UNCX: variants seen among roughly 807,000 people sequenced by gnomAD.
UNCX encodes the protein homeobox protein unc-4 homolog.
Under a neutral mutation model 14.8 loss-of-function variants are expected in UNCX, and 4 were observed. The observed-to-expected ratio is 0.27, with a 90% CI of 0.13 to 0.62. UNCX has a LOEUF of 0.62. Ranked by LOEUF, UNCX falls within the 20% of genes least tolerant of loss-of-function variation. The pLI, the probability that UNCX is intolerant of heterozygous loss-of-function variation, is 0.86. For missense variants in UNCX, 749 were observed against 786.8 expected (o/e 0.95, Z 0.58); for synonymous variants, 459 against 395.8 (o/e 1.16, Z -1.90).
chr7:1,237,041 G>A lies in UNCX; in HGVS notation c.*64G>A, dbSNP rs2128273081. ...GCCGCTCGCTCAGGCTCCGACTCAC[G>A]CAACGAATCAGGTGATCGGCTCTAG... On this transcript the variant is annotated 3_prime_UTR_variant, in exon 3 of 3. Transcript: ENST00000316333. This position sits in a 1 kb window ranked among gnomAD's most constrained non-coding sequence, Gnocchi z 5.8. The A allele has an allele frequency of 1.9e-6, 2 of 1,079,786 alleles. No homozygotes were observed. Among genetic ancestry groups the A allele is most frequent in the Non-Finnish European group, 2.3e-6 (2 of 887,538 alleles). 66.9% of individuals were successfully genotyped at this position (1,079,786 alleles called of 1,614,324 possible).
intron 2 of UNCX, among the ~76,000 whole-genome samples, chr7:1,234,554 G>T (rs1445233939): frequency 2.6e-5 from 4 of 151,412 alleles, no homozygotes; most frequent in Non-Finnish European, 5.9e-5. Flanking sequence ...CTGGCAAAAC[G>T]CCTGTTTATC....
In UNCX at chr7:1,237,111, A is replaced by T. The variant is rs572928662; in HGVS notation, c.*134A>T. ...TTTCTTTTGTTTTCTTTCTTTTATT[A>T]TTTTTTTTAAGAGTAAACGAAAGTG... On this transcript the variant is annotated 3_prime_UTR_variant, in exon 3 of 3. Coordinates refer to ENST00000316333, the MANE Select transcript of UNCX (RefSeq NM_001080461.3). This position sits in a 1 kb window ranked among gnomAD's most constrained non-coding sequence, Gnocchi z 5.8. 1.9e-4 allele frequency: 163 copies of T among 878,036 alleles called. 1 individual carries two copies. The African/African-American group carries it at 2.4e-3, about 13-fold the overall frequency. The allele number at this position is 878,036 out of a possible 1,614,324, so 54.4% of individuals were successfully genotyped here.
rs1005923436 is a variant in UNCX, at chr7:1,233,749, G to C, written c.450+54G>C. On this transcript the variant is annotated intron_variant, in intron 2 of 2. Coordinates refer to ENST00000316333, the MANE Select transcript of UNCX (RefSeq NM_001080461.3). This position sits in a 1 kb window ranked among gnomAD's most constrained non-coding sequence, Gnocchi z 5.3. ...GCCATCCGGACCCCAGGCTCTGGGC[G>C]CGCCGGGACGCCTTTGTTCCAGGTG... is the stretch of plus-strand genomic sequence containing the variant. 2.6e-5 allele frequency: 40 copies of C among 1,546,914 alleles called. No individual in the cohort carries two copies. Among genetic ancestry groups the C allele is most frequent in the Non-Finnish European group, 3.5e-5 (40 of 1,143,834 alleles).
rs1195697323 is a variant in UNCX, at chr7:1,236,521, C to T, written c.1140C>T (p.Leu380=). The T allele has an allele frequency of 7.1e-7, 1 of 1,406,584 alleles. No homozygotes were observed. Among genetic ancestry groups the T allele is most frequent in the Non-Finnish European group, 9.3e-7 (1 of 1,074,244 alleles). The allele number at this position is 1,406,584 out of a possible 1,614,324, so 87.1% of individuals were successfully genotyped here. A position where few individuals can be genotyped will look rare whatever the true frequency, so the allele number is the denominator to read the frequency against. Residue 380 remains leucine (L), a synonymous_variant, in exon 3 of 3, where the codon CTC becomes CTT. Transcript: ENST00000316333. The surrounding 1 kb of genome is among the most constrained non-coding windows in gnomAD (Gnocchi z 6.9). ...RTLIGKGHFL[L]YPITQPLGFL... is the part of the protein sequence containing the mutation. ...TGATCGGCAAGGGCCACTTCCTCCTCTACCCCATCACGCAGCCGCTCGGCT... is the reference window on the plus strand; with the variant it reads ...TGATCGGCAAGGGCCACTTCCTCCTTTACCCCATCACGCAGCCGCTCGGCT...
At position 1,236,831 on chromosome 7, in the gene UNCX, C is replaced by G. The variant is rs1229724294; in HGVS notation, c.1450C>G (p.Pro484Ala). The G allele has an allele frequency of 1.0e-6, 1 of 989,834 alleles. No individual in the cohort carries two copies. The highest frequency in any genetic ancestry group is 1.2e-6 in the Non-Finnish European group (1 of 834,650). The allele number at this position is 989,834 out of a possible 1,614,324, so 61.3% of individuals were successfully genotyped here. A position where few individuals can be genotyped will look rare whatever the true frequency, so the allele number is the denominator to read the frequency against. Residue 484 changes from proline (P) to alanine (A), a missense_variant, in exon 3 of 3, where the codon CCC becomes GCC. Pro to Ala is a conservative substitution (Grantham distance 27). This residue lies in a region of UNCX where 552 missense variants were observed against 507.2 expected (regional missense o/e 1.09). Coordinates refer to ENST00000316333, the MANE Select transcript of UNCX (RefSeq NM_001080461.3). The surrounding 1 kb of genome is among the most constrained non-coding windows in gnomAD (Gnocchi z 6.9). ...CTGCGCGGACGCGGGGACCGCCGGC[C>G]CCGCGCCCCCGCCGCCCGCGCCGTC... ...GDCADAGTAG[P>A]APPPPAPSPR...
In UNCX at chr7:1,233,421, C is replaced by CA. The variant is rs1024883644; in HGVS notation, c.275-99_275-98insA. The CA allele has an allele frequency of 2.0e-4, 273 of 1,376,070 alleles. 7 individuals carry two copies. The highest frequency in any genetic ancestry group is 2.3e-4 in the South Asian group (14 of 60,284). 85.2% of individuals were successfully genotyped at this position (1,376,070 alleles called of 1,614,324 possible). A position where few individuals can be genotyped will look rare whatever the true frequency, so the allele number is the denominator to read the frequency against. On this transcript the variant is annotated intron_variant, in intron 1 of 2. Coordinates refer to ENST00000316333, the MANE Select transcript of UNCX (RefSeq NM_001080461.3). The surrounding 1 kb of genome is among the most constrained non-coding windows in gnomAD (Gnocchi z 5.3). ...CCTAGGCGGCCGTCTCTGCGCCCCCCCCCCCGGATCCAGGCGGCCAGCGGG... is the reference window on the plus strand; with the variant it reads ...CCTAGGCGGCCGTCTCTGCGCCCCCCACCCCCGGATCCAGGCGGCCAGCGGG...
At position 1,233,534 on chromosome 7, in the gene UNCX, G is replaced by A; in HGVS notation, c.289G>A (p.Asp97Asn). ...PFKLSDSGDP[D>N]KESPGCKRRR... Reference sequence around the variant, plus strand: ...ACTGCCCGCAGACTCGGGGGACCCGGACAAGGAGAGCCCGGGCTGCAAGCG... The same window carrying A: ...ACTGCCCGCAGACTCGGGGGACCCGAACAAGGAGAGCCCGGGCTGCAAGCG... Residue 97 changes from aspartate (D) to asparagine (N), a missense_variant, in exon 2 of 3, where the codon GAC (aspartate) becomes AAC (asparagine). Physicochemically the swap from Asp to Asn is conservative, Grantham distance 23. Coordinates refer to ENST00000316333, the MANE Select transcript of UNCX (RefSeq NM_001080461.3). The surrounding 1 kb of genome is among the most constrained non-coding windows in gnomAD (Gnocchi z 5.3). 2 of 1,612,174 alleles carry A rather than the reference G, an allele frequency of 1.2e-6. No individual in the cohort carries two copies. Among genetic ancestry groups the A allele is most frequent in the Non-Finnish European group, 1.7e-6 (2 of 1,179,716 alleles).
rs1233629499 is a variant in UNCX, at chr7:1,233,437, G to C, written c.275-83G>C. On this transcript the variant is annotated intron_variant, in intron 1 of 2. Transcript: ENST00000316333. This position sits in a 1 kb window ranked among gnomAD's most constrained non-coding sequence, Gnocchi z 5.3. Reference sequence around the variant, plus strand: ...TGCGCCCCCCCCCCCGGATCCAGGCGGCCAGCGGGTAGCGGGAGGGAGGGG... The same window carrying C: ...TGCGCCCCCCCCCCCGGATCCAGGCCGCCAGCGGGTAGCGGGAGGGAGGGG... 1 of 1,341,926 alleles carries C rather than the reference G, an allele frequency of 7.5e-7. No individual in the cohort carries two copies. 83.1% of individuals were successfully genotyped at this position (1,341,926 alleles called of 1,614,324 possible). A position where few individuals can be genotyped will look rare whatever the true frequency, so the allele number is the denominator to read the frequency against.
chr7:1,235,900 G>A lies in UNCX; in HGVS notation c.519G>A (p.Pro173=), dbSNP rs202025313. The A allele has an allele frequency of 1.6e-4, 261 of 1,612,386 alleles. No individual in the cohort carries two copies. The highest frequency in any genetic ancestry group is 2.0e-4 in the Non-Finnish European group (236 of 1,179,712). ...ACACGAAAAAGGGCCCGGGGCGGCC[G>A]GCGCACAACTCGCACCCGACCACGT... ...KENTKKGPGR[P]AHNSHPTTCS... is the part of the protein sequence containing the mutation. The change falls in exon 3 of 3, where the codon CCG becomes CCA. Residue 173 remains proline (P), a synonymous_variant. Transcript: ENST00000316333.
In UNCX at chr7:1,236,826, C is replaced by G; in HGVS notation, c.1445C>G (p.Ala482Gly). Residue 482 changes from alanine (A) to glycine (G), a missense_variant, in exon 3 of 3, where the codon GCC (alanine) becomes GGC (glycine). Transcript: ENST00000316333. This position sits in a 1 kb window ranked among gnomAD's most constrained non-coding sequence, Gnocchi z 6.9. ...GGGDCADAGT[A>G]GPAPPPPAPS... ...GGGGACTGCGCGGACGCGGGGACCG[C>G]CGGCCCCGCGCCCCCGCCGCCCGCG... 1.0e-6 allele frequency: 1 copy of G among 988,840 alleles called. No individual in the cohort carries two copies. The allele number at this position is 988,840 out of a possible 1,614,324, so 61.3% of individuals were successfully genotyped here. A position where few individuals can be genotyped will look rare whatever the true frequency, so the allele number is the denominator to read the frequency against.
Position 1,235,985 on chromosome 7 carries a change from AAGAAGAAGCGCAAGCACG to A in UNCX, c.614_631del (p.Arg205_Lys210del). Reference sequence around the variant, plus strand: ...GCGCAAGGAGCTGGAGAAGATGGAGAAGAAGAAGCGCAAGCACGAGAAGAAGCTGCTGAAGAGCCAGGG... The same window carrying A: ...GCGCAAGGAGCTGGAGAAGATGGAGAAGAAGAAGCTGCTGAAGAGCCAGGG... On this transcript the variant is annotated inframe_deletion, in exon 3 of 3. Transcript: ENST00000316333. 1 of 1,610,746 alleles carries A rather than the reference AAGAAGAAGCGCAAGCACG, an allele frequency of 6.2e-7. No homozygotes were observed. The highest frequency in any genetic ancestry group is 8.5e-7 in the Non-Finnish European group (1 of 1,179,130).
rs370880641 is a variant in UNCX at position 1,233,626 on chromosome 7, C to T, written c.381C>T (p.Ser127=). Residue 127 remains serine, a synonymous_variant, in exon 2 of 3, where the codon AGC becomes AGT. Coordinates refer to ENST00000316333, the MANE Select transcript of UNCX (RefSeq NM_001080461.3). This position sits in a 1 kb window ranked among gnomAD's most constrained non-coding sequence, Gnocchi z 5.3. ...AGCTGGAGAAGGCGTTCAACGAGAG[C>T]CACTATCCCGACGTGTTCATGCGCG... is the stretch of plus-strand genomic sequence containing the variant. ...LEELEKAFNE[S]HYPDVFMREA... is the part of the protein sequence containing the mutation. 4 of 1,613,132 alleles carry T rather than the reference C, an allele frequency of 2.5e-6. No individual in the cohort carries two copies. The highest frequency in any genetic ancestry group is 3.4e-6 in the Non-Finnish European group (4 of 1,179,838).
chr7:1,233,010 C>T lies in UNCX; in HGVS notation c.-8C>T. 3 of 1,217,686 alleles carry T rather than the reference C, an allele frequency of 2.5e-6. No homozygotes were observed. The highest frequency in any genetic ancestry group is 3.1e-6 in the Non-Finnish European group (3 of 977,052). 75.4% of individuals were successfully genotyped at this position (1,217,686 alleles called of 1,614,324 possible). A position where few individuals can be genotyped will look rare whatever the true frequency, so the allele number is the denominator to read the frequency against. ...CCCGCCACCGGCCCCGCCGGCCCCC[C>T]GCGCGAGATGATGGACGGCCGCCTC... is the stretch of plus-strand genomic sequence containing the variant. On this transcript the variant is annotated 5_prime_UTR_variant, in exon 1 of 3. Transcript: ENST00000316333. The surrounding 1 kb of genome is among the most constrained non-coding windows in gnomAD (Gnocchi z 5.3).
In UNCX at chr7:1,237,145, A is replaced by T; in HGVS notation, c.*168A>T. ...AAGAGTAAACGAAAGTGCTGTATGA[A>T]TTCGGACCCAGGCAGCAACCACAGG... On this transcript the variant is annotated 3_prime_UTR_variant, in exon 3 of 3. Coordinates refer to ENST00000316333, the MANE Select transcript of UNCX (RefSeq NM_001080461.3). This position sits in a 1 kb window ranked among gnomAD's most constrained non-coding sequence, Gnocchi z 5.8. 1.0e-5 allele frequency: 6 copies of T among 587,296 alleles called. No individual in the cohort carries two copies. Among genetic ancestry groups the T allele is most frequent in the Non-Finnish European group, 1.3e-5 (6 of 452,510 alleles). The allele number at this position is 587,296 out of a possible 1,614,324, so 36.4% of individuals were successfully genotyped here.
At chr7:1,234,278 A>G (rs188618554) in intron 2 of UNCX, among the ~76,000 whole-genome samples, 87 of 152,352 alleles carry the variant, frequency 5.7e-4, no homozygotes, top group African/African-American at 2.0e-3. Context: ...GGAGAAAAAA[A>G]GGTGTCTGAA....
rs1778742128 is a variant in UNCX at position 1,236,403 on chromosome 7, C to T, written c.1022C>T (p.Ser341Leu). 2 of 1,369,266 alleles carry T rather than the reference C, an allele frequency of 1.5e-6. No homozygotes were observed. Among genetic ancestry groups the T allele is most frequent in the South Asian group, 2.9e-5 (2 of 67,914 alleles). The allele number at this position is 1,369,266 out of a possible 1,614,324, so 84.8% of individuals were successfully genotyped here. Reference protein sequence around the residue: ...PFSVESLLSDSPPRRKAASNA... With the variant: ...PFSVESLLSDLPPRRKAASNA... The stretch of plus-strand genomic sequence containing the variant: ...AGCGTGGAGAGCCTCCTGTCCGACT[C>T]GCCGCCGCGCCGGAAAGCCGCTTCC... The change falls in exon 3 of 3, where the codon TCG becomes TTG. Residue 341 changes from serine to leucine, a missense_variant. This residue lies in a region of UNCX where 552 missense variants were observed against 507.2 expected (regional missense o/e 1.09). Transcript: ENST00000316333. This position sits in a 1 kb window ranked among gnomAD's most constrained non-coding sequence, Gnocchi z 6.9.
At position 1,236,241 on chromosome 7, in the gene UNCX, C is replaced by G. The variant is rs1314991923; in HGVS notation, c.860C>G (p.Pro287Arg). Residue 287 changes from proline to arginine, a missense_variant, in exon 3 of 3, where the codon CCG becomes CGG. This residue lies in a region of UNCX where 552 missense variants were observed against 507.2 expected (regional missense o/e 1.09). Transcript: ENST00000316333. The surrounding 1 kb of genome is among the most constrained non-coding windows in gnomAD (Gnocchi z 6.9). ...APGTCDPAFY[P>R]SQRSGAGPQP... ...GGCACCTGCGACCCCGCCTTCTACC[C>G]GAGCCAAAGAAGCGGCGCCGGCCCA... 9.5e-6 allele frequency: 13 copies of G among 1,370,716 alleles called. No individual in the cohort carries two copies. Among genetic ancestry groups the G allele is most frequent in the South Asian group, 4.1e-5 (3 of 73,268 alleles). The allele number at this position is 1,370,716 out of a possible 1,614,324, so 84.9% of individuals were successfully genotyped here.
rs975360602 is a variant in UNCX at position 1,233,906 on chromosome 7, G to A, written c.450+211G>A. ...TAACTGCCCCCCAAAAGCCTGGGCG[G>A]CTTGAGAAGGGCCGGCGGCAGCACC... On this transcript the variant is annotated intron_variant, in intron 2 of 2. Coordinates refer to ENST00000316333, the MANE Select transcript of UNCX (RefSeq NM_001080461.3). This position sits in a 1 kb window ranked among gnomAD's most constrained non-coding sequence, Gnocchi z 5.3. 1.3e-5 allele frequency among the ~76,000 whole-genome samples: 2 copies of A among 152,270 alleles called. No individual in the cohort carries two copies. Among genetic ancestry groups the A allele is most frequent in the Admixed American group, 1.3e-4 (2 of 15,290 alleles).
rs1778727106 is a variant in UNCX at position 1,235,779 on chromosome 7, C to G, written c.451-53C>G. ...GGAGCGGGGAGGTCCTCGGCCCCGGCGGCCAGCCCGCCGCCTGATTGTGGC... is the reference window on the plus strand; with the variant it reads ...GGAGCGGGGAGGTCCTCGGCCCCGGGGGCCAGCCCGCCGCCTGATTGTGGC... On this transcript the variant is annotated intron_variant, in intron 2 of 2. Transcript: ENST00000316333. 3.2e-6 allele frequency: 5 copies of G among 1,540,644 alleles called. No individual in the cohort carries two copies. In the South Asian group the frequency reaches 5.9e-5, roughly 18 times the overall value.
Sources: allele counts gnomAD v4.1 joint callset (sites outside exome capture counted in the v4.1 genomes callset), GRCh38; gene constraint gnomAD v4.1.1; regional missense constraint gnomAD v4.1.1; non-coding constraint Gnocchi (gnomAD v3.1); transcripts MANE v1.5; gene names NCBI Gene and HGNC (gene_info 2026-07-23, HGNC 2026-07-21).